COL11A1: variants seen among roughly 807,000 people sequenced by gnomAD.
COL11A1 encodes collagen type XI alpha 1 chain.
A neutral mutation model predicts 265.2 loss-of-function variants in COL11A1; 74 were observed. That is an observed-to-expected ratio of 0.28 (90% confidence interval 0.23 to 0.34). The LOEUF is 0.34. Ranked by LOEUF, COL11A1 falls within the 10% of genes least tolerant of loss-of-function variation. The pLI is 1.00. For synonymous variants in COL11A1, 816 were observed against 727.6 expected (o/e 1.12, Z -1.96); for missense variants, 2,165 against 2,263.6 (o/e 0.96, Z 0.88).
intron 25 of COL11A1, 58 bp from the exon 26 acceptor site, chr1:102,997,182 T>TTTCGTAGTATTATC: frequency 7.3e-7 from 1 of 1,361,748 alleles, no homozygotes; most frequent in Non-Finnish European, 1.1e-6. Context: ...TTGATAATAC[T>TTTCGTAGTATTATC]ACGAAAGTAT....
At chr1:102,980,472 T>G (rs1662931926) in intron 31 of COL11A1, among the ~76,000 whole-genome samples, 1 of 152,102 alleles carries the variant, frequency 6.6e-6, no homozygotes, top group Admixed American at 6.6e-5. Context: ...GCTCAACTTG[T>G]TAATTATGAG....
At chr1:102,886,361 A>C (rs1650975914) in intron 63 of COL11A1, among the ~76,000 whole-genome samples, 1 of 152,178 alleles carries the variant, frequency 6.6e-6, no homozygotes, top group African/African-American at 2.4e-5. Flanking sequence ...TCACCAAATC[A>C]TTGCCAAACT....
chr1:103,031,132 T>C lies in COL11A1; in HGVS notation c.764A>G (p.Glu255Gly), dbSNP rs2101994976. 6.2e-7 allele frequency: 1 copy of C among 1,613,504 alleles called. No individual in the cohort carries two copies. Among genetic ancestry groups the C allele is most frequent in the South Asian group, 1.1e-5 (1 of 91,072 alleles). ...GCTCCTCACCTCATCTATCTGAGGT[T>C]CCTGAGCTTGAGCAGCCTTGGGTGC... The part of the protein sequence containing the change: ...SSAPKAAQAQ[E>G]PQIDEYAPED... Residue 255 changes from glutamate to glycine, a missense_variant, in exon 5 of 67, where the codon GAA becomes GGA. Transcript: ENST00000370096.
chr1:103,060,681 G>C (rs2102196110), intron 4 of COL11A1, among the ~76,000 whole-genome samples: 1 of 152,176 alleles, frequency 6.6e-6, no homozygotes, highest in African/African-American at 2.4e-5. Context: ...TAAAAACCTA[G>C]CCAGGTGAGG....
At chr1:103,001,619 A>G (rs1176018616) in intron 24 of COL11A1, 1 of 456,806 alleles carries the variant, frequency 2.2e-6, no homozygotes, top group African/African-American at 2.0e-5. Context: ...AATAATGAGA[A>G]AGAAAAGGAG....
intron 38 of COL11A1, among the ~76,000 whole-genome samples, chr1:102,964,237 CTGTTTATGGA>C (rs1661188732): frequency 6.6e-6 from 1 of 152,056 alleles, no homozygotes; most frequent in Admixed American, 6.5e-5. Context: ...AATTCCATTT[CTGTTTATGGA>C]TATTAAGTAT....
intron 21 of COL11A1, 53 bp downstream of exon 21, chr1:103,003,161 AG>A (rs1665283727): frequency 6.3e-7 from 1 of 1,590,798 alleles, no homozygotes; most frequent in Non-Finnish European, 8.6e-7. Flanking sequence ...GGCCTCTAAA[AG>A]GTTGGCAACA....
intron 41 of COL11A1, among the ~76,000 whole-genome samples, chr1:102,956,709 ATAT>A (rs147843077): frequency 0.029 from 4,463 of 152,036 alleles, 243 homozygotes; most frequent in African/African-American, 0.1. Flanking sequence ...CTATAACAAA[ATAT>A]AATAGAAAAT....
At chr1:103,107,104 G>T (rs781124384) in intron 1 of COL11A1, among the ~76,000 whole-genome samples, 7 of 152,088 alleles carry the variant, frequency 4.6e-5, no homozygotes, top group Non-Finnish European at 1.0e-4. Flanking sequence ...ATGCCTTTTC[G>T]GGAAAGGGCG....
intron 4 of COL11A1, 124 bp from the exon 5 acceptor site, chr1:103,031,368 T>C: frequency 8.5e-7 from 1 of 1,178,862 alleles, no homozygotes; most frequent in South Asian, 1.4e-5. Context: ...GACCTACTTA[T>C]ATTTCAATGT....
intron 4 of COL11A1, among the ~76,000 whole-genome samples, chr1:103,033,407 T>G (rs1668132110): frequency 6.6e-6 from 1 of 152,104 alleles, no homozygotes; most frequent in African/African-American, 2.4e-5. Context: ...TAGGTTTCGT[T>G]AGTGGTTACT....
Position 103,031,116 on chromosome 1 carries a change from CTCA to C in COL11A1, c.777_779del (p.Asp259del). 1 of 1,613,224 alleles carries C rather than the reference CTCA, an allele frequency of 6.2e-7. No homozygotes were observed. The highest frequency in any genetic ancestry group is 8.5e-7 in the Non-Finnish European group (1 of 1,179,512). On this transcript the variant is annotated inframe_deletion and splice_region_variant, in exon 5 of 67. Transcript: ENST00000370096. ...CCTTCTCTGGTCTTGTGCTCCTCAC[CTCA>C]TCTATCTGAGGTTCCTGAGCTTGAG...
At chr1:103,106,295 A>T (rs932161773) in intron 1 of COL11A1, among the ~76,000 whole-genome samples, 1 of 152,202 alleles carries the variant, frequency 6.6e-6, no homozygotes, top group Non-Finnish European at 1.5e-5. Flanking sequence ...TTCATCCATC[A>T]CCGAAGAAAT....
intron 57 of COL11A1, among the ~76,000 whole-genome samples, chr1:102,897,136 G>A (rs562962312): frequency 6.6e-6 from 1 of 151,868 alleles, no homozygotes; most frequent in Admixed American, 6.6e-5. Flanking sequence ...TGAAATATTT[G>A]GTAGGTATGC....
intron 26 of COL11A1, among the ~76,000 whole-genome samples, chr1:102,996,544 T>A (rs915833344): frequency 1.3e-5 from 2 of 151,850 alleles, no homozygotes; most frequent in African/African-American, 4.8e-5. Context: ...CTATCAATCA[T>A]AATTTATAAT....
intron 38 of COL11A1, among the ~76,000 whole-genome samples, chr1:102,964,077 T>C (rs1661172684): frequency 6.6e-6 from 1 of 152,208 alleles, no homozygotes; most frequent in African/African-American, 2.4e-5. Flanking sequence ...CCAGTATTTT[T>C]ATGCCTTCAT....
chr1:103,023,927 CAAG>C (rs1378815065), intron 7 of COL11A1, among the ~76,000 whole-genome samples: 1 of 151,872 alleles, frequency 6.6e-6, no homozygotes, highest in Non-Finnish European at 1.5e-5. Flanking sequence ...GTACAATTCT[CAAG>C]AAGAGTAAGG....
intron 1 of COL11A1, among the ~76,000 whole-genome samples, chr1:103,097,617 G>A (rs993805328): frequency 2.0e-5 from 3 of 151,856 alleles, no homozygotes; most frequent in African/African-American, 7.3e-5. Context: ...TAATCACTAC[G>A]AGGCAGGATT....
chr1:102,958,367 A>C (rs375036484), intron 41 of COL11A1, among the ~76,000 whole-genome samples: 3 of 152,206 alleles, frequency 2.0e-5, no homozygotes, highest in Non-Finnish European at 4.4e-5. Flanking sequence ...GTAAGTTTTG[A>C]ACCTCAAAAA....
Sources: gnomAD v4.1 joint callset for allele counts (sites outside exome capture counted in the v4.1 genomes callset) on GRCh38, gnomAD v4.1.1 for gene constraint, MANE v1.5 for transcripts, NCBI Gene and HGNC (gene_info 2026-07-23, HGNC 2026-07-21) for gene names.